Variants in BRINP3 observed in about 807,000 individuals in gnomAD.
BRINP3 encodes BMP/retinoic acid-inducible neural-specific protein 3.
In BRINP3, 19 loss-of-function variants were observed where a neutral mutation model predicts 71.0. The observed-to-expected ratio is 0.27, with a 90% CI of 0.19 to 0.39. The LOEUF is 0.39. Among genes scored for constraint, BRINP3 ranks in the 10% least tolerant of loss-of-function variants. The pLI is 1.00. For synonymous variants in BRINP3, 380 were observed against 337.7 expected (o/e 1.13, Z -1.37); for missense variants, 959 against 940.8 (o/e 1.02, Z -0.25).
rs768595432 is a variant in BRINP3, at chr1:190,226,335, A to G, written c.725-17T>C. 1.0e-5 allele frequency: 15 copies of G among 1,444,838 alleles called. No individual in the cohort carries two copies. The African/African-American group carries it at 2.0e-4, about 19-fold the overall frequency. 89.5% of individuals were successfully genotyped at this position (1,444,838 alleles called of 1,614,324 possible). Reference sequence around the variant, plus strand: ...CTTGAAGCCCTTGAAGAACAAACAAAGAAATTAACAAATTTACTTTGTTAA... The same window carrying G: ...CTTGAAGCCCTTGAAGAACAAACAAGGAAATTAACAAATTTACTTTGTTAA... On this transcript the variant is annotated splice_polypyrimidine_tract_variant and intron_variant, in intron 5 of 7. Coordinates refer to ENST00000367462, the MANE Select transcript of BRINP3 (RefSeq NM_199051.3).
chr1:190,194,291 T>C (rs899994778), intron 6 of BRINP3, among the ~76,000 whole-genome samples: 16 of 151,978 alleles, frequency 1.1e-4, no homozygotes, highest in Non-Finnish European at 2.1e-4. Flanking sequence ...TAGAACAAAG[T>C]GACAGTGCTC....
chr1:190,351,002 T>A (rs1668350921), intron 2 of BRINP3, among the ~76,000 whole-genome samples: 1 of 151,932 alleles, frequency 6.6e-6, no homozygotes, highest in African/African-American at 2.4e-5. Context: ...TTGGGGTTTT[T>A]CCATGTTGTC....
intron 4 of BRINP3, among the ~76,000 whole-genome samples, chr1:190,247,078 A>C (rs1659679164): frequency 6.6e-6 from 1 of 152,016 alleles, no homozygotes; most frequent in African/African-American, 2.4e-5. Flanking sequence ...ATTTCAAGTT[A>C]CAAATAACCG....
At chr1:190,252,696 G>C (rs945951322) in intron 4 of BRINP3, among the ~76,000 whole-genome samples, 1 of 152,030 alleles carries the variant, frequency 6.6e-6, no homozygotes, top group Admixed American at 6.6e-5. Flanking sequence ...TCTGATTGGA[G>C]AGATGAGAGA....
intron 6 of BRINP3, among the ~76,000 whole-genome samples, chr1:190,213,613 G>C (rs1656168437): frequency 6.6e-6 from 1 of 151,924 alleles, no homozygotes. Flanking sequence ...TACGTGGTTG[G>C]CTTTCATGCC....
intron 2 of BRINP3, among the ~76,000 whole-genome samples, chr1:190,453,202 TA>T (rs1363073018): frequency 1.3e-4 from 14 of 105,910 alleles, no homozygotes; most frequent in East Asian, 2.7e-4. Flanking sequence ...AAAACTTTAG[TA>T]TTTTTTTTTT....
intron 2 of BRINP3, among the ~76,000 whole-genome samples, chr1:190,422,079 T>A (rs1673424267): frequency 1.3e-5 from 2 of 151,816 alleles, no homozygotes; most frequent in African/African-American, 4.8e-5. Context: ...GTTCTGCCTC[T>A]TAATAATTGA....
At chr1:190,465,184 T>C (rs1258080992) in intron 1 of BRINP3, among the ~76,000 whole-genome samples, 1 of 151,982 alleles carries the variant, frequency 6.6e-6, no homozygotes, top group Non-Finnish European at 1.5e-5. Context: ...GATGATCATA[T>C]AAGAAAATAT....
intron 7 of BRINP3, among the ~76,000 whole-genome samples, chr1:190,147,773 C>G (rs923318745): frequency 3.3e-5 from 5 of 152,290 alleles, no homozygotes; most frequent in African/African-American, 1.2e-4. Context: ...ACTTGACATC[C>G]TGACAAACTG....
chr1:190,349,926 A>G (rs1668264513), intron 2 of BRINP3, among the ~76,000 whole-genome samples: 1 of 152,124 alleles, frequency 6.6e-6, no homozygotes, highest in South Asian at 2.1e-4. Flanking sequence ...TGTGTGGACG[A>G]GAAAATGCTT....
intron 6 of BRINP3, among the ~76,000 whole-genome samples, chr1:190,208,259 TG>T (rs1444897790): frequency 6.6e-6 from 1 of 151,850 alleles, no homozygotes; most frequent in Non-Finnish European, 1.5e-5. Context: ...TGCCCGGCCC[TG>T]TAATACATAC....
At chr1:190,152,540 C>A (rs1187034457) in intron 7 of BRINP3, among the ~76,000 whole-genome samples, 6 of 134,562 alleles carry the variant, frequency 4.5e-5, no homozygotes, top group Non-Finnish European at 6.4e-5. Flanking sequence ...AACCCCCCCC[C>A]CGCCCCCCAA....
At chr1:190,262,630 C>T (rs541653566) in intron 4 of BRINP3, among the ~76,000 whole-genome samples, 20 of 152,268 alleles carry the variant, frequency 1.3e-4, no homozygotes, top group Admixed American at 3.9e-4. Flanking sequence ...ACTGGAACTC[C>T]TTTCCATGGT....
rs549675745 is a variant in BRINP3 at position 190,232,501 on chromosome 1, C to T, written c.724+1871G>A. ...AGTATTTTCAGAAAGGACTTTGTAC[C>T]GATAGGTGTATAAATAAAGTTGTAA... On this transcript the variant is annotated intron_variant, in intron 5 of 7. Transcript: ENST00000367462. Among the ~76,000 whole-genome samples, 33 of 151,640 alleles carry T rather than the reference C, an allele frequency of 2.2e-4. 1 individual carries two copies. The highest frequency in any genetic ancestry group is 7.5e-4 in the African/African-American group (31 of 41,324).
rs148541557 is a variant in BRINP3, at chr1:190,101,840, T to A, written c.1185-2706A>T. Among the ~76,000 whole-genome samples the A allele has an allele frequency of 2.1e-3, 316 of 152,288 alleles. 2 individuals carry two copies. The highest frequency in any genetic ancestry group is 3.0e-3 in the Non-Finnish European group (203 of 68,004). ...TAGAGCTCACAAAAGTAGGGCACTG[T>A]AGAAAGAATCATTTGGACACTTTAG... On this transcript the variant is annotated intron_variant, in intron 7 of 7. Coordinates refer to ENST00000367462, the MANE Select transcript of BRINP3 (RefSeq NM_199051.3).
At chr1:190,403,966 G>A (rs1672102860) in intron 2 of BRINP3, among the ~76,000 whole-genome samples, 1 of 152,120 alleles carries the variant, frequency 6.6e-6, no homozygotes, top group African/African-American at 2.4e-5. Context: ...AACTGTATGT[G>A]AATTTATTTG....
chr1:190,443,806 A>T (rs1675003762), intron 2 of BRINP3, among the ~76,000 whole-genome samples: 1 of 152,108 alleles, frequency 6.6e-6, no homozygotes, highest in African/African-American at 2.4e-5. Context: ...GAACTTACCT[A>T]CCCTGGCCAA....
intron 6 of BRINP3, among the ~76,000 whole-genome samples, chr1:190,207,022 A>AT (rs1292015192): frequency 7.3e-5 from 11 of 151,278 alleles, no homozygotes; most frequent in African/African-American, 2.7e-4. Flanking sequence ...AAAGTGGAAA[A>AT]TAAAAAAAAA....
At chr1:190,137,067 C>A (rs1343345272) in intron 7 of BRINP3, among the ~76,000 whole-genome samples, 3 of 152,026 alleles carry the variant, frequency 2.0e-5, no homozygotes, top group Non-Finnish European at 4.4e-5. Flanking sequence ...TATAGTGTAG[C>A]TATGTGTCTT....
Sources: gnomAD v4.1 joint callset for allele counts (sites outside exome capture counted in the v4.1 genomes callset) on GRCh38, gnomAD v4.1.1 for gene constraint, MANE v1.5 for transcripts, NCBI Gene and HGNC (gene_info 2026-07-23, HGNC 2026-07-21) for gene names.